The following COL12A1 variants were observed in gnomAD, a reference collection of about 807,000 sequenced individuals.
COL12A1 encodes the protein collagen type XII alpha 1 chain, also known as collagen alpha-1(XII) chain.
In COL12A1, 114 loss-of-function variants were observed where a neutral mutation model predicts 349.7. That is an observed-to-expected ratio of 0.33 (90% CI 0.28 to 0.38). The LOEUF is 0.38. COL12A1 is among the 10% of genes least tolerant of loss of function. COL12A1 has a pLI of 1.00. For synonymous variants in COL12A1, 1,369 were observed against 1,329.0 expected, an observed-to-expected ratio of 1.03 and a Z score of -0.66; for missense variants, 3,284 against 3,756.9, an observed-to-expected ratio of 0.87 and a Z score of 3.29.
At chr6:75,156,121 T>C (rs1767749143) in intron 15 of COL12A1, 136 bp downstream of exon 15, 1 of 1,128,926 alleles carries the variant, frequency 8.9e-7, no homozygotes, top group Middle Eastern at 2.9e-4. Context: ...ACATGTTATT[T>C]AGACATTGTC....
At chr6:75,155,885 A>T in intron 15 of COL12A1, 31 bp from the exon 16 acceptor site, 3 of 1,568,908 alleles carry the variant, frequency 1.9e-6, no homozygotes, top group Non-Finnish European at 2.6e-6. Flanking sequence ...TTAAAATATT[A>T]TCTGTAAGAC....
chr6:75,118,478 G>A (rs1248566649), intron 46 of COL12A1, among the ~76,000 whole-genome samples: 1 of 152,154 alleles, frequency 6.6e-6, no homozygotes, highest in Non-Finnish European at 1.5e-5. Context: ...GGCTGTTAAT[G>A]CAAGTACTGG....
chr6:75,123,860 C>A, intron 42 of COL12A1, 88 bp downstream of exon 42: 1 of 1,362,136 alleles, frequency 7.3e-7, no homozygotes, highest in Non-Finnish European at 1.0e-6. Context: ...CGGAGAGGTA[C>A]CTGCACAGGA....
At chr6:75,182,693 T>C (rs987348429) in intron 10 of COL12A1, among the ~76,000 whole-genome samples, 1 of 152,188 alleles carries the variant, frequency 6.6e-6, no homozygotes, top group Non-Finnish European at 1.5e-5. Context: ...CACCTTTGAG[T>C]TGAAGGACCC....
At chr6:75,110,802 T>A (rs990885490) in intron 51 of COL12A1, among the ~76,000 whole-genome samples, 2 of 151,990 alleles carry the variant, frequency 1.3e-5, no homozygotes, top group African/African-American at 2.4e-5. Context: ...ATATTGCTCA[T>A]TCTCATCCCA....
At position 75,128,441 on chromosome 6, in the gene COL12A1, A is replaced by C; in HGVS notation, c.6211-16T>G. 6.5e-7 allele frequency: 1 copy of C among 1,540,144 alleles called. No homozygotes were observed. The highest frequency in any genetic ancestry group is 8.7e-7 in the Non-Finnish European group (1 of 1,147,768). ...GGACTGTGGTCTATAGAGGAAGTTA[A>C]ATTATAAATATATTACCATCTAGAA... is the stretch of plus-strand genomic sequence containing the variant. On this transcript the variant is annotated splice_polypyrimidine_tract_variant and intron_variant, in intron 37 of 65. Coordinates refer to ENST00000322507, the MANE Select transcript of COL12A1 (RefSeq NM_004370.6).
chr6:75,193,822 C>T (rs996828729), intron 3 of COL12A1, among the ~76,000 whole-genome samples: 20 of 151,504 alleles, frequency 1.3e-4, no homozygotes, highest in African/African-American at 4.1e-4. Context: ...TGAGAACATG[C>T]GGTGTTTGGT....
intron 32 of COL12A1, 23 bp downstream of exon 32, chr6:75,134,703 A>G (rs374822209): frequency 1.6e-4 from 246 of 1,580,744 alleles, no homozygotes; most frequent in Non-Finnish European, 2.0e-4. Context: ...TAAAGAAGCT[A>G]TAGGAACTCA....
At chr6:75,139,541 T>C (rs867638524) in intron 27 of COL12A1, among the ~76,000 whole-genome samples, 3 of 152,356 alleles carry the variant, frequency 2.0e-5, no homozygotes, top group Middle Eastern at 6.8e-3. Context: ...AAAATGAGAA[T>C]GTCTGCCTAG....
intron 63 of COL12A1, 150 bp from the exon 64 acceptor site, chr6:75,089,324 G>C: frequency 1.6e-6 from 1 of 613,568 alleles, no homozygotes; most frequent in Non-Finnish European, 2.7e-6. Context: ...TTTAAGCCAA[G>C]TTCTTTCTAG....
Position 75,102,627 on chromosome 6 carries a change from TCCCTGAGGGCCTGGAGGA to T in COL12A1, c.8367_8384del (p.Pro2791_Pro2796del). On this transcript the variant is annotated inframe_deletion, in exon 56 of 66. Transcript: ENST00000322507. The stretch of plus-strand genomic sequence containing the variant: ...CTCCCGGAATAGAGAGTCCATTGGG[TCCCTGAGGGCCTGGAGGA>T]CCCTGGGGGCCTGGAGGACCTATGT... 6.4e-7 allele frequency: 1 copy of T among 1,567,172 alleles called. No homozygotes were observed. The highest frequency in any genetic ancestry group is 1.9e-5 in the Admixed American group (1 of 52,912).
chr6:75,090,004 G>A lies in COL12A1; in HGVS notation c.8941+106C>T, dbSNP rs1336820727. On this transcript the variant is annotated intron_variant, in intron 63 of 65. Transcript: ENST00000322507. The surrounding 1 kb of genome is among the most constrained non-coding windows in gnomAD (Gnocchi z 4.1). ...TCTGAGGCTGTCCAAACAAGACCAG[G>A]GAAAGCAGTTTGCCTAGGTCACCTT... The A allele has an allele frequency of 4.9e-6, 6 of 1,225,818 alleles. No homozygotes were observed. In the East Asian group the frequency reaches 1.4e-4, roughly 29 times the overall value. 75.9% of individuals were successfully genotyped at this position (1,225,818 alleles called of 1,614,324 possible).
rs757134644 is a variant in COL12A1 at position 75,106,461 on chromosome 6, T to G, written c.8136A>C (p.Pro2712=). ...QIQSFDIVCS[P]VWTSRDRCCD... ...AGCATCTGTCTCTACTGGTCCACAC[T>G]GGACTGCAGACAATGTCAAAACTCT... Residue 2712 remains proline, a synonymous_variant, in exon 53 of 66, where the codon CCA becomes CCC. Coordinates refer to ENST00000322507, the MANE Select transcript of COL12A1 (RefSeq NM_004370.6). 4.0e-5 allele frequency: 65 copies of G among 1,613,874 alleles called. No homozygotes were observed. Among genetic ancestry groups the G allele is most frequent in the Non-Finnish European group, 5.4e-5 (64 of 1,179,892 alleles).
intron 14 of COL12A1, among the ~76,000 whole-genome samples, chr6:75,165,181 A>G (rs1335417199): frequency 6.6e-6 from 1 of 152,116 alleles, no homozygotes; most frequent in Non-Finnish European, 1.5e-5. Flanking sequence ...AAGATCATGC[A>G]GCTATACAAA....
chr6:75,147,449 G>T (rs547548312), intron 23 of COL12A1, among the ~76,000 whole-genome samples: 1 of 152,240 alleles, frequency 6.6e-6, no homozygotes, highest in East Asian at 1.9e-4. Context: ...GATTATTATG[G>T]CAGTGACCCC....
Position 75,194,843 on chromosome 6 carries a change from C to A in COL12A1, c.178G>T (p.Asp60Tyr). 6.2e-7 allele frequency: 1 copy of A among 1,608,596 alleles called. No homozygotes were observed. The highest frequency in any genetic ancestry group is 1.1e-5 in the South Asian group (1 of 90,164). The change falls in exon 3 of 66, where the codon GAC (aspartate) becomes TAC (tyrosine). Residue 60 changes from aspartate to tyrosine, a missense_variant. Around this residue, in one of 2 missense-constraint regions of COL12A1, gnomAD observed 2,601 missense variants for 2,824.8 expected, o/e 0.92. Transcript: ENST00000322507. ...DPIVGYRITV[D>Y]PTTDGPTKEF... is the part of the protein sequence containing the mutation. Reference sequence around the variant, plus strand: ...TCTCAAAACTTACCCGTTGTAGGGTCCACCGTTATTCTGTAACCCACAATT... The same window carrying A: ...TCTCAAAACTTACCCGTTGTAGGGTACACCGTTATTCTGTAACCCACAATT...
intron 12 of COL12A1, among the ~76,000 whole-genome samples, chr6:75,176,362 G>A (rs1768950841): frequency 6.7e-6 from 1 of 149,974 alleles, no homozygotes; most frequent in African/African-American, 2.5e-5. Context: ...GGAGAGGGAT[G>A]CTGTGGGAGG....
rs1253222268 is a variant in COL12A1 at position 75,084,442 on chromosome 6, A to G, written c.*2105T>C. 1 of 152,700 alleles carries G rather than the reference A, an allele frequency of 6.5e-6. No homozygotes were observed. The highest frequency in any genetic ancestry group is 2.4e-5 in the African/African-American group (1 of 41,476). 9.5% of individuals were successfully genotyped at this position (152,700 alleles called of 1,614,324 possible). A position where few individuals can be genotyped will look rare whatever the true frequency, so the allele number is the denominator to read the frequency against. On this transcript the variant is annotated 3_prime_UTR_variant, in exon 66 of 66. Transcript: ENST00000322507. ...ATAAAAGCAGCAATTCTATGTTCAT[A>G]GTCTTGCAAATGTTTTCCAACTACT...
intron 55 of COL12A1, among the ~76,000 whole-genome samples, chr6:75,103,499 G>T (rs1768401408): frequency 6.6e-6 from 1 of 152,102 alleles, no homozygotes; most frequent in Non-Finnish European, 1.5e-5. Context: ...CCATGTTCTG[G>T]CCAAGGCCTT....
Sources: allele counts gnomAD v4.1 joint callset (sites outside exome capture counted in the v4.1 genomes callset), GRCh38; gene constraint gnomAD v4.1.1; regional missense constraint gnomAD v4.1.1; non-coding constraint Gnocchi (gnomAD v3.1); transcripts MANE v1.5; gene names NCBI Gene and HGNC (gene_info 2026-07-23, HGNC 2026-07-21).